The following MAGI2 variants were observed in gnomAD, a reference collection of about 807,000 sequenced individuals.
MAGI2 encodes the protein membrane associated guanylate kinase, WW and PDZ domain containing 2.
A neutral mutation model predicts 133.3 loss-of-function variants in MAGI2; 35 were observed. The ratio of observed to expected loss-of-function variants is 0.26; its 90% CI spans 0.20 to 0.35. MAGI2 has a LOEUF of 0.35. MAGI2 is among the 10% of genes least tolerant of loss of function. MAGI2 has a pLI of 1.00. For missense variants in MAGI2, 1,636 were observed against 1,863.4 expected (o/e 0.88, Z 2.25); for synonymous variants, 729 against 710.6 (o/e 1.03, Z -0.41).
In MAGI2 at chr7:78,356,927, T is replaced by C. The variant is rs1440762048; in HGVS notation, c.1104-10884A>G. ...CCAGCATTTTGGGTTTAAGCTACAA[T>C]TGAAGATTTTGTCTACCACTCACTA... On this transcript the variant is annotated intron_variant, in intron 7 of 21. Coordinates refer to ENST00000354212, the MANE Select transcript of MAGI2 (RefSeq NM_012301.4). Among the ~76,000 whole-genome samples, 7 of 152,344 alleles carry C rather than the reference T, an allele frequency of 4.6e-5. 1 individual carries two copies. The highest frequency in any genetic ancestry group is 4.1e-4 in the South Asian group (2 of 4,832).
At chr7:79,229,193 C>T (rs990226676) in intron 1 of MAGI2, among the ~76,000 whole-genome samples, 2 of 151,120 alleles carry the variant, frequency 1.3e-5, no homozygotes, top group Non-Finnish European at 2.9e-5. Flanking sequence ...GTTTGTATGG[C>T]TTATTTACAG....
intron 10 of MAGI2, among the ~76,000 whole-genome samples, chr7:78,232,929 C>T (rs558784965): frequency 1.3e-5 from 2 of 152,144 alleles, no homozygotes; most frequent in Non-Finnish European, 2.9e-5. Context: ...GTTTTGTTCA[C>T]TGCTACATTA....
At position 78,757,329 on chromosome 7, in the gene MAGI2, A is replaced by G. The variant is rs1229067389; in HGVS notation, c.419-130090T>C. Among the ~76,000 whole-genome samples, 3 of 134,460 alleles carry G rather than the reference A, an allele frequency of 2.2e-5. No homozygotes were observed. The East Asian group carries it at 6.2e-4, about 28-fold the overall frequency. 88.2% of individuals were successfully genotyped at this position (134,460 alleles called of 152,430 possible). On this transcript the variant is annotated intron_variant, in intron 2 of 21. Coordinates refer to ENST00000354212, the MANE Select transcript of MAGI2 (RefSeq NM_012301.4). Reference sequence around the variant, plus strand: ...CTTCTCTCTCTCTCTCTCTCTCTCCATAATCATCAATTTCCTCTTCTCTCT... The same window carrying G: ...CTTCTCTCTCTCTCTCTCTCTCTCCGTAATCATCAATTTCCTCTTCTCTCT...
chr7:79,377,795 C>T (rs910765626), intron 1 of MAGI2, among the ~76,000 whole-genome samples: 3 of 151,698 alleles, frequency 2.0e-5, no homozygotes, highest in Non-Finnish European at 4.4e-5. Flanking sequence ...ATAACGGACA[C>T]ACCAACAAAA....
intron 3 of MAGI2, chr7:78,618,835 G>A (rs1296881654): frequency 1.3e-5 from 2 of 151,468 alleles, no homozygotes; most frequent in African/African-American, 4.8e-5. Flanking sequence ...CATAGAAGGA[G>A]AGAGTAGAGT....
At chr7:79,310,036 A>G (rs1838134374) in intron 1 of MAGI2, among the ~76,000 whole-genome samples, 1 of 149,682 alleles carries the variant, frequency 6.7e-6, no homozygotes, top group African/African-American at 2.4e-5. Context: ...GTGGTAGTGC[A>G]CTCCTGTAAT....
At chr7:78,583,102 G>A (rs1803012861) in intron 3 of MAGI2, among the ~76,000 whole-genome samples, 1 of 152,046 alleles carries the variant, frequency 6.6e-6, no homozygotes. Flanking sequence ...AAAGACTAGG[G>A]ATTATTTATT....
chr7:79,125,564 G>A (rs2129544947), intron 1 of MAGI2: 1 of 507,986 alleles, frequency 2.0e-6, no homozygotes. Flanking sequence ...AGCTATAACA[G>A]CTGTATCAGT....
intron 14 of MAGI2, among the ~76,000 whole-genome samples, chr7:78,176,294 C>G (rs1358702763): frequency 6.6e-6 from 1 of 152,204 alleles, no homozygotes; most frequent in African/African-American, 2.4e-5. Flanking sequence ...TCCTCCTTGG[C>G]AAAAGCACCT....
intron 2 of MAGI2, among the ~76,000 whole-genome samples, chr7:78,812,737 T>C (rs1789187957): frequency 6.6e-6 from 1 of 152,176 alleles, no homozygotes; most frequent in Non-Finnish European, 1.5e-5. Context: ...TAAAGAATCA[T>C]ATGATGACAA....
chr7:78,172,888 C>G (rs1826248636), intron 14 of MAGI2, among the ~76,000 whole-genome samples: 1 of 152,152 alleles, frequency 6.6e-6, no homozygotes, highest in Non-Finnish European at 1.5e-5. Context: ...TTCACTCTCC[C>G]AGACGGGGTC....
At chr7:78,300,207 C>T (rs1288979641) in intron 9 of MAGI2, among the ~76,000 whole-genome samples, 1 of 152,142 alleles carries the variant, frequency 6.6e-6, no homozygotes, top group Non-Finnish European at 1.5e-5. Context: ...ACACTTGCTG[C>T]TGGGTCTTAG....
chr7:78,256,263 C>T lies in MAGI2; in HGVS notation c.1727G>A (p.Gly576Asp). Residue 576 changes from glycine to aspartate, a missense_variant, in exon 10 of 22, where the codon GGT (glycine) becomes GAT (aspartate). Physicochemically the swap from Gly to Asp is moderately conservative, Grantham distance 94 (BLOSUM62 -1). Transcript: ENST00000354212. ...CGGTGGATACGTGCCGTCTAGCTGA[C>T]CATCAGTTGGCATGGAGTGCAGAGA... ...PHSLHSMPTD[G>D]QLDGTYPPPV... The T allele has an allele frequency of 1.2e-6, 2 of 1,614,038 alleles. No homozygotes were observed. Among genetic ancestry groups the T allele is most frequent in the Non-Finnish European group, 1.7e-6 (2 of 1,179,988 alleles).
intron 21 of MAGI2, among the ~76,000 whole-genome samples, chr7:78,076,322 G>T (rs923569587): frequency 6.6e-5 from 10 of 151,930 alleles, no homozygotes; most frequent in Non-Finnish European, 1.5e-4. Flanking sequence ...GCTGGGCATT[G>T]GTGGCTTGCA....
chr7:78,782,228 A>G (rs1042628514), intron 2 of MAGI2, among the ~76,000 whole-genome samples: 10 of 152,294 alleles, frequency 6.6e-5, no homozygotes, highest in African/African-American at 2.4e-4. Flanking sequence ...GGAAAGATTC[A>G]CCATAAATCC....
chr7:78,573,035 G>GTGTATATA (rs1269123284), intron 3 of MAGI2, among the ~76,000 whole-genome samples: 15 of 31,680 alleles, frequency 4.7e-4, no homozygotes, highest in South Asian at 1.1e-3. Flanking sequence ...GCATATGTAT[G>GTGTATATA]TATATATATA....
intron 1 of MAGI2, among the ~76,000 whole-genome samples, chr7:79,348,122 T>A (rs1021518493): frequency 6.6e-6 from 1 of 151,868 alleles, no homozygotes; most frequent in African/African-American, 2.4e-5. Context: ...ATGAAATAAA[T>A]AAGCATTTTT....
intron 1 of MAGI2, among the ~76,000 whole-genome samples, chr7:79,281,057 T>G (rs761026491): frequency 6.6e-6 from 1 of 150,668 alleles, no homozygotes; most frequent in Non-Finnish European, 1.5e-5. Context: ...AGAGAGTCAC[T>G]TGGGAGTCAT....
intron 3 of MAGI2, among the ~76,000 whole-genome samples, chr7:78,606,712 T>A (rs902059426): frequency 1.3e-5 from 2 of 152,228 alleles, no homozygotes; most frequent in Non-Finnish European, 1.5e-5. Flanking sequence ...AGGTTTATAG[T>A]GTTTGAATTT....
Sources: allele counts gnomAD v4.1 joint callset (sites outside exome capture counted in the v4.1 genomes callset), GRCh38; gene constraint gnomAD v4.1.1; transcripts MANE v1.5; gene names NCBI Gene and HGNC (gene_info 2026-07-23, HGNC 2026-07-21).